Variants in AP3M2 observed in about 807,000 individuals in gnomAD.
The protein encoded by AP3M2 is AP-3 complex subunit mu-2.
In AP3M2, 28 loss-of-function variants were observed where a neutral mutation model predicts 41.6. That is an observed-to-expected ratio of 0.67 (90% CI 0.50 to 0.92). AP3M2 has a LOEUF of 0.92. AP3M2 is among the 40% of genes least tolerant of loss of function. AP3M2 has a pLI of 0.00. For synonymous variants in AP3M2, 193 were observed against 186.4 expected (o/e 1.04, Z -0.29); for missense variants, 427 against 521.4 (o/e 0.82, Z 1.76).
rs984898613 is a variant in AP3M2, at chr8:42,154,869, G to A, written c.182G>A (p.Arg61His). ...TPHHYLLSVY[R>H]HKIFFVAVIQ... ...CACCACTATCTCTTAAGTGTTTACC[G>A]CCACAAGATCTTTTTTGTGGCCGTG... Residue 61 changes from arginine to histidine, a missense_variant, in exon 2 of 9, where the codon CGC (arginine) becomes CAC (histidine). Transcript: ENST00000396926. 3.7e-6 allele frequency: 6 copies of A among 1,613,944 alleles called. No individual in the cohort carries two copies. Among genetic ancestry groups the A allele is most frequent in the Middle Eastern group, 1.6e-4 (1 of 6,084 alleles).
At position 42,170,539 on chromosome 8, in the gene AP3M2, A is replaced by G. The variant is rs1215048852; in HGVS notation, c.*1478A>G. 6.6e-6 allele frequency: 1 copy of G among 152,188 alleles called. No homozygotes were observed. Among genetic ancestry groups the G allele is most frequent in the Non-Finnish European group, 1.5e-5 (1 of 68,034 alleles). 9.4% of individuals were successfully genotyped at this position (152,188 alleles called of 1,614,324 possible). ...AATGATACTGTGCTCTGCTTGGTGC[A>G]TGGAGAAAAAGGAAGACCCGTACTC... On this transcript the variant is annotated 3_prime_UTR_variant, in exon 9 of 9. Transcript: ENST00000396926.
chr8:42,160,118 CAAAG>C (rs2150958345), intron 3 of AP3M2, among the ~76,000 whole-genome samples: 1 of 152,278 alleles, frequency 6.6e-6, no homozygotes, highest in African/African-American at 2.4e-5. Context: ...ACATGACACT[CAAAG>C]GAAATGCTCA....
At chr8:42,158,538 C>T (rs185229743) in intron 3 of AP3M2, among the ~76,000 whole-genome samples, 39 of 151,746 alleles carry the variant, frequency 2.6e-4, no homozygotes, top group African/African-American at 7.7e-4. Flanking sequence ...TGTGAGCCAC[C>T]GCGCCTGGCC....
At chr8:42,156,143 T>C in intron 2 of AP3M2, 2 of 403,732 alleles carry the variant, frequency 5.0e-6, no homozygotes, top group Non-Finnish European at 9.9e-6. Context: ...TGTGATACTT[T>C]ACTCATTCTG....
chr8:42,153,349 G>C (rs1804259533), intron 1 of AP3M2: 2 of 152,174 alleles, frequency 1.3e-5, no homozygotes, highest in South Asian at 4.1e-4. Context: ...GCACCCCTGC[G>C]CTCTTCACCC....
intron 4 of AP3M2, among the ~76,000 whole-genome samples, chr8:42,164,560 AG>A (rs1804588812): frequency 6.6e-6 from 1 of 152,194 alleles, no homozygotes; most frequent in Admixed American, 6.5e-5. Context: ...CTGGGAAAAT[AG>A]GACACCAGGA....
chr8:42,167,864 C>G (rs1176330952), intron 8 of AP3M2, 54 bp downstream of exon 8: 8 of 1,561,020 alleles, frequency 5.1e-6, no homozygotes, highest in Middle Eastern at 1.7e-4. Context: ...GGCTTTCTGC[C>G]ATATGGCGCA....
chr8:42,155,056 A>G, intron 2 of AP3M2, 96 bp downstream of exon 2: 2 of 1,079,630 alleles, frequency 1.9e-6, no homozygotes, highest in East Asian at 2.4e-5. Context: ...AACTTAAAAA[A>G]AAAAATCAAA....
rs1216729140 is a variant in AP3M2 at position 42,165,154 on chromosome 8, A to G, written c.667A>G (p.Met223Val). The G allele has an allele frequency of 6.2e-7, 1 of 1,613,440 alleles. No individual in the cohort carries two copies. Among genetic ancestry groups the G allele is most frequent in the African/African-American group, 1.3e-5 (1 of 74,894 alleles). Residue 223 changes from methionine (M) to valine (V), a missense_variant and splice_region_variant, in exon 5 of 9, where the codon ATG becomes GTG. By Grantham distance (21) the Met-to-Val change is conservative. Coordinates refer to ENST00000396926, the MANE Select transcript of AP3M2 (RefSeq NM_006803.4). ...TGMPDLTLSFMNPRLLDDVSF... is the reference protein window; with the variant it reads ...TGMPDLTLSFVNPRLLDDVSF... ...CATGCCAGACCTTACACTTTCCTTC[A>G]TGGTAAAATCCTGGGCCAGAGATTA...
chr8:42,154,834 C>T lies in AP3M2; in HGVS notation c.147C>T (p.Ile49=), dbSNP rs372555268. Residue 49 remains isoleucine (I), a synonymous_variant, in exon 2 of 9, where the codon ATC becomes ATT. Transcript: ENST00000396926. ...AGGCAGAAAATGTGCCTCCGGTTAT[C>T]CCTACCCCTCACCACTATCTCTTAA... ...ATEAENVPPV[I]PTPHHYLLSV... 9 of 1,614,008 alleles carry T rather than the reference C, an allele frequency of 5.6e-6. No individual in the cohort carries two copies. In the African/African-American group the frequency reaches 1.1e-4, roughly 19 times the overall value.
intron 8 of AP3M2, 93 bp downstream of exon 8, chr8:42,167,903 GT>G (rs1804685723): frequency 7.0e-7 from 1 of 1,433,618 alleles, no homozygotes; most frequent in African/African-American, 1.4e-5. Context: ...TGGGCTTCCT[GT>G]TTACAAGGTT....
Position 42,161,643 on chromosome 8 carries a change from A to T in AP3M2, c.446-638A>T, listed in dbSNP as rs1474185123. Among the ~76,000 whole-genome samples the T allele has an allele frequency of 2.0e-5, 3 of 152,180 alleles. No homozygotes were observed. In the South Asian group the frequency reaches 6.2e-4, roughly 32 times the overall value. On this transcript the variant is annotated intron_variant, in intron 3 of 8. Transcript: ENST00000396926. ...TTGTTTAAAGACAGAAAATAAAAGG[A>T]TCCAGGTAATGGAAGAAGGAAATAG...
chr8:42,154,872 A>C lies in AP3M2; in HGVS notation c.185A>C (p.His62Pro), dbSNP rs200625246. Residue 62 changes from histidine (H) to proline (P), a missense_variant, in exon 2 of 9, where the codon CAC becomes CCC. Around this residue, in one of 3 missense-constraint regions of AP3M2, gnomAD observed 104 missense variants for 93.8 expected, o/e 1.11. Coordinates refer to ENST00000396926, the MANE Select transcript of AP3M2 (RefSeq NM_006803.4). Reference protein sequence around the residue: ...PHHYLLSVYRHKIFFVAVIQT... With the variant: ...PHHYLLSVYRPKIFFVAVIQT... The stretch of plus-strand genomic sequence containing the variant: ...CACTATCTCTTAAGTGTTTACCGCC[A>C]CAAGATCTTTTTTGTGGCCGTGATC... 2 of 1,614,148 alleles carry C rather than the reference A, an allele frequency of 1.2e-6. No individual in the cohort carries two copies. The highest frequency in any genetic ancestry group is 8.5e-7 in the Non-Finnish European group (1 of 1,180,008).
intron 6 of AP3M2, among the ~76,000 whole-genome samples, chr8:42,166,612 T>TAAAAAAAAAAAAAAA (rs1404448805): frequency 5.8e-4 from 49 of 84,210 alleles, no homozygotes; most frequent in Non-Finnish European, 7.8e-4. Flanking sequence ...AAAAAAAAAG[T>TAAAAAAAAAAAAAAA]AAAAATTAGC....
At chr8:42,168,200 A>T (rs771034848) in intron 8 of AP3M2, 1 of 461,976 alleles carries the variant, frequency 2.2e-6, no homozygotes, top group South Asian at 1.5e-5. Flanking sequence ...TTTTCAGAAG[A>T]CTTTCATGTT....
In AP3M2 at chr8:42,154,940, C is replaced by T. The variant is rs772760626; in HGVS notation, c.253C>T (p.Arg85Ter). Residue 85 changes from arginine to a stop codon, truncating the protein, a stop_gained, in exon 2 of 9, where the codon CGA becomes TGA. Coordinates refer to ENST00000396926, the MANE Select transcript of AP3M2 (RefSeq NM_006803.4). LOFTEE classifies it high-confidence loss of function. ...TCTGTTTGTCATTGAGTTTCTTCAC[C>T]GAGTGGTGGACACATTTCAGGTTCG... ...PPLFVIEFLHRVVDTFQDYFG... is the reference protein window; with the variant it reads ...PPLFVIEFLH The T allele has an allele frequency of 2.2e-5, 35 of 1,613,798 alleles. No individual in the cohort carries two copies. Among genetic ancestry groups the T allele is most frequent in the Admixed American group, 1.3e-4 (8 of 59,968 alleles).
rs1439130952 is a variant in AP3M2 at position 42,167,220 on chromosome 8, C to A, written c.860C>A (p.Ser287Tyr). The A allele has an allele frequency of 6.2e-7, 1 of 1,613,952 alleles. No homozygotes were observed. The highest frequency in any genetic ancestry group is 8.5e-7 in the Non-Finnish European group (1 of 1,180,018). The change falls in exon 7 of 9, where the codon TCC becomes TAC. Residue 287 changes from serine to tyrosine, a missense_variant. Physicochemically the swap from Ser to Tyr is moderately radical, Grantham distance 144. Around this residue, in one of 3 missense-constraint regions of AP3M2, gnomAD observed 237 missense variants for 284.9 expected, o/e 0.83. Coordinates refer to ENST00000396926, the MANE Select transcript of AP3M2 (RefSeq NM_006803.4). ...KHNISFRDSS[S>Y]LGRFEITVGP... ...AACATCAGTTTCCGGGACAGTAGTTCCCTTGGACGCTTTGAAATAACGGTG... is the reference window on the plus strand; with the variant it reads ...AACATCAGTTTCCGGGACAGTAGTTACCTTGGACGCTTTGAAATAACGGTG...
chr8:42,158,641 A>G (rs190077704), intron 3 of AP3M2, among the ~76,000 whole-genome samples: 15 of 152,244 alleles, frequency 9.9e-5, no homozygotes, highest in African/African-American at 3.4e-4. Flanking sequence ...CTTTAAAAAT[A>G]TTTTTTTCTG....
At chr8:42,166,591 C>CCAAAAAAA (rs1804642494) in intron 6 of AP3M2, among the ~76,000 whole-genome samples, 1 of 77,056 alleles carries the variant, frequency 1.3e-5, no homozygotes, top group Non-Finnish European at 2.4e-5. Context: ...CTTGTCTCTA[C>CCAAAAAAA]AAAAAAAAAA....
Sources: allele counts gnomAD v4.1 joint callset (sites outside exome capture counted in the v4.1 genomes callset), GRCh38; gene constraint gnomAD v4.1.1; regional missense constraint gnomAD v4.1.1; transcripts MANE v1.5; gene names NCBI Gene and HGNC (gene_info 2026-07-23, HGNC 2026-07-21).